The following TOX4 variants were observed in gnomAD, a reference collection of about 807,000 sequenced individuals.
TOX4 encodes the protein TOX high mobility group box family member 4, also known as epidermal Langerhans cell protein LCP1.
In TOX4, 12 loss-of-function variants were observed where a neutral mutation model predicts 61.0. The observed-to-expected ratio is 0.20, with a 90% CI of 0.13 to 0.32. TOX4 has a LOEUF of 0.32. Ranked by LOEUF, TOX4 falls within the 10% of genes least tolerant of loss-of-function variation. The pLI is 1.00. For missense variants in TOX4, 499 were observed against 753.3 expected, an observed-to-expected ratio of 0.66 and a Z score of 3.95; for synonymous variants, 268 against 274.8, an observed-to-expected ratio of 0.98 and a Z score of 0.24.
intron 5 of TOX4, among the ~76,000 whole-genome samples, chr14:21,490,564 TGGA>T (rs1459466442): frequency 1.3e-5 from 2 of 152,336 alleles, no homozygotes; most frequent in East Asian, 3.9e-4. Context: ...AGGTGGAAAC[TGGA>T]GCCCACTGCC....
intron 3 of TOX4, 46 bp from the exon 4 acceptor site, chr14:21,488,544 G>GT (rs747281795): frequency 3.2e-5 from 50 of 1,569,296 alleles, no homozygotes; most frequent in South Asian, 4.6e-5. Flanking sequence ...GGGAAAAGTG[G>GT]TTTTTTTTAT....
At chr14:21,486,588 TG>T (rs1891193799) in intron 2 of TOX4, among the ~76,000 whole-genome samples, 1 of 152,192 alleles carries the variant, frequency 6.6e-6, no homozygotes, top group Non-Finnish European at 1.5e-5. Flanking sequence ...TATTTATAAA[TG>T]TCTATTGCTG....
In TOX4 at chr14:21,487,683, G is replaced by A; in HGVS notation, c.308G>A (p.Gly103Asp). 1 of 1,611,416 alleles carries A rather than the reference G, an allele frequency of 6.2e-7. No homozygotes were observed. The highest frequency in any genetic ancestry group is 1.1e-5 in the South Asian group (1 of 91,016). ...CAGGGCGGGGGGCTCCTGAGTGGGG[G>A]CTTGACCATGGTAAGGGGCAAGACA... Reference protein sequence around the residue: ...MEQGGGLLSGGLTMDLDHSIG... With the variant: ...MEQGGGLLSGDLTMDLDHSIG... The change falls in exon 3 of 9, where the codon GGC becomes GAC. Residue 103 changes from glycine (G) to aspartate (D), a missense_variant. Gly to Asp is a moderately conservative substitution (Grantham distance 94, BLOSUM62 -1). This residue lies in a region of TOX4 where 90 missense variants were observed against 109.5 expected (regional missense o/e 0.82). Transcript: ENST00000448790.
rs1555324162 is a variant in TOX4 at position 21,477,231 on chromosome 14, G to A, written c.-48G>A. 1.9e-6 allele frequency: 3 copies of A among 1,614,132 alleles called. No homozygotes were observed. The highest frequency in any genetic ancestry group is 3.3e-5 in the Admixed American group (2 of 60,032). Reference sequence around the variant, plus strand: ...GACGGCAGTTCCGAGTCCAGTGGGGGCGGTGGGAGCGATGAGGGTCTGAGA... The same window carrying A: ...GACGGCAGTTCCGAGTCCAGTGGGGACGGTGGGAGCGATGAGGGTCTGAGA... On this transcript the variant is annotated 5_prime_UTR_variant, in exon 1 of 9. Coordinates refer to ENST00000448790, the MANE Select transcript of TOX4 (RefSeq NM_014828.4).
At chr14:21,487,782 G>T in intron 3 of TOX4, 89 bp downstream of exon 3, 1 of 1,401,972 alleles carries the variant, frequency 7.1e-7, no homozygotes, top group Non-Finnish European at 9.4e-7. Flanking sequence ...CTACACTTGG[G>T]TATTACTTGT....
Position 21,477,267 on chromosome 14 carries a change from G to T in TOX4, c.-12G>T, listed in dbSNP as rs1891007752. ...GATGAGGGTCTGAGACGGTGGGAGC[G>T]GTTGTGTGAAGATGGAGGTAGGAAC... is the stretch of plus-strand genomic sequence containing the variant. On this transcript the variant is annotated 5_prime_UTR_variant, in exon 1 of 9. Transcript: ENST00000448790. 1 of 1,613,894 alleles carries T rather than the reference G, an allele frequency of 6.2e-7. No homozygotes were observed.
At position 21,492,941 on chromosome 14, in the gene TOX4, G is replaced by C; in HGVS notation, c.1325G>C (p.Arg442Pro). 1 of 1,611,266 alleles carries C rather than the reference G, an allele frequency of 6.2e-7. No homozygotes were observed. The highest frequency in any genetic ancestry group is 8.5e-7 in the Non-Finnish European group (1 of 1,179,412). ...AAASMQLPPPRLQPPPLQQMP... is the reference protein window; with the variant it reads ...AAASMQLPPPPLQPPPLQQMP... ...GCTTCTATGCAACTGCCTCCACCCC[G>C]ACTACAGCCCCCTCCATTACAACAG... Residue 442 changes from arginine to proline, a missense_variant, in exon 7 of 9, where the codon CGA becomes CCA. Transcript: ENST00000448790.
At position 21,492,349 on chromosome 14, in the gene TOX4, T is replaced by C; in HGVS notation, c.864T>C (p.Ala288=). The part of the protein sequence containing the change: ...AAKKEYLKAL[A]AYKDNQECQA... ...AGAAAGAGTATCTGAAGGCACTGGC[T>C]GCTTACAAAGACAACCAGGAGTGTC... is the stretch of plus-strand genomic sequence containing the variant. Residue 288 remains alanine (A), a synonymous_variant, in exon 6 of 9, where the codon GCT becomes GCC. Coordinates refer to ENST00000448790, the MANE Select transcript of TOX4 (RefSeq NM_014828.4). 6.2e-7 allele frequency: 1 copy of C among 1,614,132 alleles called. No individual in the cohort carries two copies. The highest frequency in any genetic ancestry group is 8.5e-7 in the Non-Finnish European group (1 of 1,180,020).
chr14:21,497,930 A>C lies in TOX4; in HGVS notation c.*1324A>C, dbSNP rs1891446468. 1 of 224,180 alleles carries C rather than the reference A, an allele frequency of 4.5e-6. No homozygotes were observed. Among genetic ancestry groups the C allele is most frequent in the Non-Finnish European group, 8.9e-6 (1 of 112,856 alleles). 13.9% of individuals were successfully genotyped at this position (224,180 alleles called of 1,614,324 possible). On this transcript the variant is annotated 3_prime_UTR_variant, in exon 9 of 9. Coordinates refer to ENST00000448790, the MANE Select transcript of TOX4 (RefSeq NM_014828.4). ...ACTCCTGGGCTACAGTTACCCTCCT[A>C]CCTCGGCTTCCCAAAGTGCTCGGAT...
intron 2 of TOX4, among the ~76,000 whole-genome samples, chr14:21,483,381 C>A: frequency 8.1e-6 from 1 of 124,160 alleles, no homozygotes. Flanking sequence ...CTTCCTGTTC[C>A]TATAACTTTT....
chr14:21,488,823 C>T lies in TOX4; in HGVS notation c.552C>T (p.His184=), dbSNP rs765329746. 23 of 1,614,050 alleles carry T rather than the reference C, an allele frequency of 1.4e-5. No homozygotes were observed. The highest frequency in any genetic ancestry group is 1.3e-4 in the Admixed American group (8 of 60,000). Residue 184 remains histidine (H), a synonymous_variant, in exon 4 of 9, where the codon CAC becomes CAT. Transcript: ENST00000448790. ...STTPSPTSSL[H]EDGVEDFRRQ... ...CCCCTTCACCTACTAGTTCACTTCA[C>T]GAGGATGGTGTTGAGGATTTCCGGA... is the stretch of plus-strand genomic sequence containing the variant.
chr14:21,496,249 C>T (rs532238074), intron 8 of TOX4: 24 of 202,434 alleles, frequency 1.2e-4, no homozygotes, highest in African/African-American at 3.1e-4. Flanking sequence ...ATGTAGCGGC[C>T]GGGCGCGGTG....
chr14:21,494,667 G>A (rs11851342), intron 7 of TOX4, among the ~76,000 whole-genome samples: 62,366 of 150,378 alleles, frequency 0.41, 12,882 homozygotes, highest in Middle Eastern at 0.48. Context: ...GGAGAATGGC[G>A]GGAACCCAGG....
In TOX4 at chr14:21,492,933, T is replaced by C. The variant is rs750806439; in HGVS notation, c.1317T>C (p.Pro439=). 5 of 1,610,582 alleles carry C rather than the reference T, an allele frequency of 3.1e-6. No individual in the cohort carries two copies. Among genetic ancestry groups the C allele is most frequent in the Non-Finnish European group, 3.4e-6 (4 of 1,179,182 alleles). The part of the protein sequence containing the change: ...AAAAAASMQL[P]PPRLQPPPLQ... ...CTGCTGCTGCTTCTATGCAACTGCC[T>C]CCACCCCGACTACAGCCCCCTCCAT... Residue 439 remains proline, a synonymous_variant, in exon 7 of 9, where the codon CCT becomes CCC. Coordinates refer to ENST00000448790, the MANE Select transcript of TOX4 (RefSeq NM_014828.4).
rs1017973043 is a variant in TOX4, at chr14:21,497,781, C to A, written c.*1175C>A. The A allele has an allele frequency of 2.6e-5, 4 of 153,056 alleles. No individual in the cohort carries two copies. Among genetic ancestry groups the A allele is most frequent in the Non-Finnish European group, 5.8e-5 (4 of 68,768 alleles). The allele number at this position is 153,056 out of a possible 1,614,324, so 9.5% of individuals were successfully genotyped here. On this transcript the variant is annotated 3_prime_UTR_variant, in exon 9 of 9. Transcript: ENST00000448790. ...TGACCTCATGATCCGCCCGCCTTGA[C>A]CTCCCAAAGTGCTGGGATTACAGGC...
chr14:21,486,718 A>G (rs1051819116), intron 2 of TOX4, among the ~76,000 whole-genome samples: 5 of 152,160 alleles, frequency 3.3e-5, no homozygotes, highest in Non-Finnish European at 7.4e-5. Flanking sequence ...AGAATGTGTT[A>G]TTATTGACCT....
intron 3 of TOX4, chr14:21,488,160 A>G (rs1270908791): frequency 1.7e-5 from 3 of 177,206 alleles, no homozygotes; most frequent in Non-Finnish European, 2.4e-5. Flanking sequence ...TCGAACCAGT[A>G]AGCACATCTT....
chr14:21,494,296 C>G (rs554637332), intron 7 of TOX4, among the ~76,000 whole-genome samples: 5 of 152,058 alleles, frequency 3.3e-5, no homozygotes, highest in African/African-American at 1.2e-4. Flanking sequence ...TGGTTCATAC[C>G]GTTATTTTTT....
chr14:21,489,122 T>C lies in TOX4; in HGVS notation c.580-51T>C, dbSNP rs778591054. On this transcript the variant is annotated intron_variant, in intron 4 of 8. Coordinates refer to ENST00000448790, the MANE Select transcript of TOX4 (RefSeq NM_014828.4). ...CATACATGTGGCTAGTTTCCAGACATAATACTTGTCATTGTCCATTGTGTA... is the reference window on the plus strand; with the variant it reads ...CATACATGTGGCTAGTTTCCAGACACAATACTTGTCATTGTCCATTGTGTA... 4.5e-6 allele frequency: 7 copies of C among 1,568,560 alleles called. No individual in the cohort carries two copies. The Admixed American group carries it at 7.7e-5, about 17-fold the overall frequency.
Sources: gnomAD v4.1 joint callset for allele counts (sites outside exome capture counted in the v4.1 genomes callset) on GRCh38, gnomAD v4.1.1 for gene constraint, gnomAD v4.1.1 regional missense constraint, MANE v1.5 for transcripts, NCBI Gene and HGNC (gene_info 2026-07-23, HGNC 2026-07-21) for gene names.